Variants in CCSER1 observed in about 807,000 individuals in gnomAD.
CCSER1 encodes serine-rich coiled-coil domain-containing protein 1.
Under a neutral mutation model 82.0 loss-of-function variants are expected in CCSER1, and 41 were observed. The ratio of observed to expected loss-of-function variants is 0.50; its 90% CI spans 0.39 to 0.65. CCSER1 has a LOEUF of 0.65. Among genes scored for constraint, CCSER1 ranks in the 30% least tolerant of loss-of-function variants. The pLI, the probability that CCSER1 is intolerant of heterozygous loss-of-function variation, is 0.00. For synonymous variants in CCSER1, 414 were observed against 383.9 expected (o/e 1.08, Z -0.92); for missense variants, 1,119 against 1,064.2 (o/e 1.05, Z -0.72).
At chr4:91,375,357 A>G (rs1750332873) in intron 10 of CCSER1, among the ~76,000 whole-genome samples, 1 of 152,218 alleles carries the variant, frequency 6.6e-6, no homozygotes, top group African/African-American at 2.4e-5. Context: ...TTAGAACATT[A>G]CATAAACTTA....
chr4:90,406,885 A>T (rs1349883992), intron 4 of CCSER1, among the ~76,000 whole-genome samples: 8 of 152,184 alleles, frequency 5.3e-5, no homozygotes. Flanking sequence ...CATAGAATTA[A>T]ATGCCTACAT....
At chr4:91,256,729 C>A (rs1740718020) in intron 10 of CCSER1, among the ~76,000 whole-genome samples, 2 of 152,022 alleles carry the variant, frequency 1.3e-5, no homozygotes, top group Admixed American at 1.3e-4. Flanking sequence ...CAAAAAAAGC[C>A]ACATTATAAT....
At chr4:90,891,612 G>A (rs937954148) in intron 8 of CCSER1, among the ~76,000 whole-genome samples, 1 of 151,880 alleles carries the variant, frequency 6.6e-6, no homozygotes, top group Admixed American at 6.6e-5. Context: ...GGACTCCTTT[G>A]ATATATGCCA....
At chr4:90,419,159 A>G (rs1441201217) in intron 4 of CCSER1, among the ~76,000 whole-genome samples, 1 of 151,976 alleles carries the variant, frequency 6.6e-6, no homozygotes, top group Non-Finnish European at 1.5e-5. Flanking sequence ...CTATTACACT[A>G]CAATTTTGAT....
chr4:91,095,949 T>A (rs1483882132), intron 10 of CCSER1, among the ~76,000 whole-genome samples: 8 of 152,182 alleles, frequency 5.3e-5, no homozygotes, highest in Middle Eastern at 3.2e-3. Context: ...TCACCTTTCA[T>A]CTGTGTTAAA....
intron 1 of CCSER1, among the ~76,000 whole-genome samples, chr4:90,260,123 T>C (rs139584444): frequency 6.6e-6 from 1 of 152,304 alleles, no homozygotes; most frequent in African/African-American, 2.4e-5. Context: ...TTTTTTAAAA[T>C]TATTGATTCA....
intron 1 of CCSER1, among the ~76,000 whole-genome samples, chr4:90,177,488 T>G (rs1487801682): frequency 6.6e-6 from 1 of 152,106 alleles, no homozygotes; most frequent in Non-Finnish European, 1.5e-5. Flanking sequence ...ATGTGGGGAA[T>G]ACTATTGATG....
chr4:90,222,471 G>C (rs75476929), intron 1 of CCSER1, among the ~76,000 whole-genome samples: 1 of 152,108 alleles, frequency 6.6e-6, no homozygotes, highest in African/African-American at 2.4e-5. Flanking sequence ...GTTTGGGCTT[G>C]GCTAGATTTA....
chr4:91,200,774 T>A (rs887312340), intron 10 of CCSER1, among the ~76,000 whole-genome samples: 3 of 152,028 alleles, frequency 2.0e-5, no homozygotes, highest in Non-Finnish European at 4.4e-5. Context: ...TATATAGATG[T>A]TAAATTCTCT....
At chr4:90,670,976 C>A (rs564845975) in intron 6 of CCSER1, among the ~76,000 whole-genome samples, 1 of 152,118 alleles carries the variant, frequency 6.6e-6, no homozygotes, top group Admixed American at 6.6e-5. Context: ...TTTCCCAGTA[C>A]ATGTAAAAAT....
intron 1 of CCSER1, among the ~76,000 whole-genome samples, chr4:90,230,198 CAA>C (rs776409256): frequency 1.4e-3 from 218 of 152,084 alleles, no homozygotes; most frequent in Non-Finnish European, 2.6e-3. Flanking sequence ...ACACCTATTC[CAA>C]AATTGACCAC....
At chr4:91,127,692 C>A (rs1052170379) in intron 10 of CCSER1, among the ~76,000 whole-genome samples, 7 of 152,100 alleles carry the variant, frequency 4.6e-5, no homozygotes, top group Admixed American at 3.9e-4. Flanking sequence ...ATAGTTAATA[C>A]AATATTTTCC....
intron 10 of CCSER1, among the ~76,000 whole-genome samples, chr4:91,214,368 T>C (rs1282095573): frequency 6.6e-6 from 1 of 152,190 alleles, no homozygotes; most frequent in African/African-American, 2.4e-5. Flanking sequence ...ACGAACACCC[T>C]ATATGTGATC....
At chr4:90,894,403 C>G (rs571407479) in intron 8 of CCSER1, among the ~76,000 whole-genome samples, 1 of 152,096 alleles carries the variant, frequency 6.6e-6, no homozygotes, top group African/African-American at 2.4e-5. Context: ...AAAGCATCAA[C>G]ATGAGCGCAT....
At chr4:90,254,799 T>A (rs1722973277) in intron 1 of CCSER1, among the ~76,000 whole-genome samples, 2 of 152,154 alleles carry the variant, frequency 1.3e-5, no homozygotes, top group Admixed American at 1.3e-4. Flanking sequence ...TGAATAAATG[T>A]TTCTCCATTT....
At chr4:90,409,157 G>A (rs933474221) in intron 4 of CCSER1, among the ~76,000 whole-genome samples, 4 of 152,204 alleles carry the variant, frequency 2.6e-5, no homozygotes, top group Non-Finnish European at 5.9e-5. Context: ...CATCTAATTG[G>A]TGTACCTGAA....
At chr4:90,698,840 C>T (rs769423713) in intron 6 of CCSER1, among the ~76,000 whole-genome samples, 4 of 152,164 alleles carry the variant, frequency 2.6e-5, no homozygotes, top group Non-Finnish European at 5.9e-5. Flanking sequence ...TAATTTGACT[C>T]ATGCCTGTAA....
At chr4:90,864,865 T>C (rs1765547838) in intron 8 of CCSER1, among the ~76,000 whole-genome samples, 1 of 152,046 alleles carries the variant, frequency 6.6e-6, no homozygotes, top group Non-Finnish European at 1.5e-5. Flanking sequence ...GGCTAAAATA[T>C]CACCAATATC....
At chr4:90,973,638 A>G (rs1407245474) in intron 9 of CCSER1, among the ~76,000 whole-genome samples, 1 of 151,640 alleles carries the variant, frequency 6.6e-6, no homozygotes, top group Admixed American at 6.6e-5. Flanking sequence ...TATCAAATAA[A>G]CCAGCAATCT....
Sources: gnomAD v4.1 joint callset for allele counts (sites outside exome capture counted in the v4.1 genomes callset) on GRCh38, gnomAD v4.1.1 for gene constraint, MANE v1.5 for transcripts, NCBI Gene and HGNC (gene_info 2026-07-23, HGNC 2026-07-21) for gene names.